The following MEGF11 variants were observed in gnomAD, a reference collection of about 807,000 sequenced individuals.
MEGF11 encodes multiple epidermal growth factor-like domains protein 11.
MEGF11 carries 126 observed loss-of-function variants against 146.6 expected under a neutral mutation model. The observed-to-expected ratio is 0.86, with a 90% confidence interval of 0.74 to 1.00. MEGF11 has a LOEUF of 1.00. MEGF11 is among the 50% of genes least tolerant of loss of function. MEGF11 has a pLI of 0.00. For missense variants in MEGF11, 1,509 were observed against 1,521.2 expected, an observed-to-expected ratio of 0.99 and a Z score of 0.13; for synonymous variants, 532 against 583.4, an observed-to-expected ratio of 0.91 and a Z score of 1.27.
Position 65,898,008 on chromosome 15 carries a change from T to C in MEGF11, c.3349A>G (p.Ile1117Val). ...NAYDLPRNSHIPGHYDLLPVR... is the reference protein window; with the variant it reads ...NAYDLPRNSHVPGHYDLLPVR... ...GGGAGGAGGTCATAATGACCAGGAA[T>C]ATGGCTGTTCCTAGGTAGGTCGTAT... Residue 1117 changes from isoleucine to valine, a missense_variant, in exon 26 of 26, where the codon ATT (isoleucine) becomes GTT (valine). Physicochemically the swap from Ile to Val is conservative, Grantham distance 29. Transcript: ENST00000395614. The C allele has an allele frequency of 1.2e-6, 2 of 1,613,950 alleles. No homozygotes were observed. The highest frequency in any genetic ancestry group is 1.7e-6 in the Non-Finnish European group (2 of 1,179,806).
chr15:65,978,334 C>T (rs1433271231), intron 7 of MEGF11, among the ~76,000 whole-genome samples: 1 of 152,214 alleles, frequency 6.6e-6, no homozygotes, highest in Non-Finnish European at 1.5e-5. Flanking sequence ...AGTGACTCTG[C>T]ATGCACAAGG....
chr15:66,119,098 C>G lies in MEGF11; in HGVS notation c.289G>C (p.Asp97His). Residue 97 changes from aspartate (D) to histidine (H), a missense_variant, in exon 4 of 26, where the codon GAC (aspartate) becomes CAC (histidine). Coordinates refer to ENST00000395614, the MANE Select transcript of MEGF11 (RefSeq NM_001385028.1). ...QCCPGYYESG[D>H]FCIPLCTEEC... The stretch of plus-strand genomic sequence containing the variant: ...AGCCCCTACATACGTATGCAGAAGT[C>G]TCCGCTCTCATAGTAGCCAGGGCAG... 6.4e-7 allele frequency: 1 copy of G among 1,550,744 alleles called. No individual in the cohort carries two copies. Among genetic ancestry groups the G allele is most frequent in the Non-Finnish European group, 8.7e-7 (1 of 1,146,542 alleles).
intron 1 of MEGF11, among the ~76,000 whole-genome samples, chr15:66,156,529 C>T (rs1053571083): frequency 2.0e-5 from 3 of 152,204 alleles, no homozygotes; most frequent in African/African-American, 7.2e-5. Flanking sequence ...TCGGCCACCA[C>T]TCCCTGTGTC....
intron 4 of MEGF11, among the ~76,000 whole-genome samples, chr15:66,102,595 TAAA>T (rs752399934): frequency 2.7e-5 from 4 of 145,882 alleles, no homozygotes; most frequent in Admixed American, 2.0e-4. Context: ...ATTAGCTAAT[TAAA>T]AAAGTTTTTT....
chr15:65,911,850 T>C (rs116748454), intron 21 of MEGF11, among the ~76,000 whole-genome samples: 1,754 of 152,362 alleles, frequency 0.012, 44 homozygotes, highest in African/African-American at 0.041. Context: ...TATGTTATAC[T>C]GAGTGATGCT....
intron 5 of MEGF11, among the ~76,000 whole-genome samples, chr15:66,024,547 A>C (rs890752686): frequency 6.6e-6 from 1 of 152,240 alleles, no homozygotes; most frequent in African/African-American, 2.4e-5. Flanking sequence ...TGTGTCAGGC[A>C]CTGTGTTAGG....
intron 7 of MEGF11, among the ~76,000 whole-genome samples, chr15:65,979,285 C>G (rs538022328): frequency 4.6e-5 from 7 of 152,132 alleles, no homozygotes; most frequent in African/African-American, 1.4e-4. Flanking sequence ...CCCACCACCC[C>G]CTTGTCAGCT....
Position 65,982,397 on chromosome 15 carries a change from C to T in MEGF11, c.486G>A (p.Val162=), listed in dbSNP as rs1222539141. Residue 162 remains valine (V), a synonymous_variant, in exon 6 of 26, where the codon GTG becomes GTA. Coordinates refer to ENST00000395614, the MANE Select transcript of MEGF11 (RefSeq NM_001385028.1). This position sits in a 1 kb window ranked among gnomAD's most constrained non-coding sequence, Gnocchi z 5.6. The part of the protein sequence containing the change: ...ALCNPITGAC[V]CAAGFRGWRC... ...GCCATCCACGGAAGCCGGCGGCGCACACGCAGGCGCCTGTGATGGGGTTAC... is the reference window on the plus strand; with the variant it reads ...GCCATCCACGGAAGCCGGCGGCGCATACGCAGGCGCCTGTGATGGGGTTAC... 6.5e-7 allele frequency: 1 copy of T among 1,532,808 alleles called. No homozygotes were observed. Among genetic ancestry groups the T allele is most frequent in the Non-Finnish European group, 8.8e-7 (1 of 1,141,952 alleles). The allele number at this position is 1,532,808 out of a possible 1,614,324, so 95.0% of individuals were successfully genotyped here. A position where few individuals can be genotyped will look rare whatever the true frequency, so the allele number is the denominator to read the frequency against.
chr15:66,016,122 A>T (rs191331459), intron 5 of MEGF11, among the ~76,000 whole-genome samples: 11 of 151,220 alleles, frequency 7.3e-5, no homozygotes, highest in Non-Finnish European at 1.5e-4. Flanking sequence ...TAACTAATTT[A>T]AAAAAAACCC....
intron 1 of MEGF11, among the ~76,000 whole-genome samples, chr15:66,167,609 C>T (rs143037193): frequency 0.022 from 3,303 of 152,174 alleles, 55 homozygotes; most frequent in Non-Finnish European, 0.032. Context: ...TGCGCCATTG[C>T]ACTCCAGCCT....
intron 5 of MEGF11, among the ~76,000 whole-genome samples, chr15:66,050,121 G>A (rs1225960370): frequency 1.3e-5 from 2 of 152,146 alleles, no homozygotes; most frequent in Non-Finnish European, 2.9e-5. Context: ...CTACAGTGGT[G>A]TGATCATAGC....
intron 5 of MEGF11, among the ~76,000 whole-genome samples, chr15:66,091,306 G>A (rs909806665): frequency 1.3e-5 from 2 of 152,018 alleles, no homozygotes; most frequent in Non-Finnish European, 2.9e-5. Context: ...GTAACAATTT[G>A]CGTCCCATGG....
intron 9 of MEGF11, among the ~76,000 whole-genome samples, chr15:65,961,233 G>T (rs964091784): frequency 1.3e-5 from 2 of 152,072 alleles, no homozygotes; most frequent in African/African-American, 4.8e-5. Flanking sequence ...GCTGTTTTTG[G>T]CTCAGGCAGA....
rs333550 is a variant in MEGF11, at chr15:65,965,070, T to C, written c.950A>G (p.His317Arg). 1,594,187 of 1,597,730 alleles carry C rather than the reference T, an allele frequency of 1. 795,371 individuals carry two copies. The highest frequency in any genetic ancestry group is 1 in the East Asian group (44,181 of 44,184). ...FGSFGFQCSQ[H>R]CDCHNGGQCS... ...CTGCCCCCCATTGTGGCAGTCACAGTGCTGTGAGCACTGGAAGCCGAAGGA... is the reference window on the plus strand; with the variant it reads ...CTGCCCCCCATTGTGGCAGTCACAGCGCTGTGAGCACTGGAAGCCGAAGGA... Residue 317 changes from histidine to arginine, a missense_variant, in exon 9 of 26, where the codon CAC becomes CGC. Physicochemically the swap from His to Arg is conservative, Grantham distance 29. Transcript: ENST00000395614.
At chr15:66,133,254 T>A (rs1597113801) in intron 1 of MEGF11, among the ~76,000 whole-genome samples, 1 of 152,096 alleles carries the variant, frequency 6.6e-6, no homozygotes, top group South Asian at 2.1e-4. Context: ...GCATGTCTGC[T>A]CCCCACACCA....
intron 1 of MEGF11, among the ~76,000 whole-genome samples, chr15:66,163,949 G>A (rs989604468): frequency 6.6e-6 from 1 of 152,196 alleles, no homozygotes; most frequent in African/African-American, 2.4e-5. Flanking sequence ...GGAAGAAGCA[G>A]GCCTAAATGT....
In MEGF11 at chr15:65,922,372, G is replaced by A. The variant is rs1194015619; in HGVS notation, c.1923C>T (p.Cys641=). Residue 641 remains cysteine, a synonymous_variant, in exon 15 of 26, where the codon TGC becomes TGT. Transcript: ENST00000395614. ...PCHHISGICE[C]LPGFSGALCN... ...AGAGAGCTCCAGAGAATCCTGGGAG[G>A]CACTCACAGATGCCGCTGATGTGGT... 1 of 1,604,856 alleles carries A rather than the reference G, an allele frequency of 6.2e-7. No individual in the cohort carries two copies.
At chr15:66,194,638 G>A in intron 1 of MEGF11, among the ~76,000 whole-genome samples, 1 of 141,476 alleles carries the variant, frequency 7.1e-6, no homozygotes, top group East Asian at 2.3e-4. Flanking sequence ...CAAAAAGAAT[G>A]ATACAATGGA....
Position 65,970,671 on chromosome 15 carries a change from G to T in MEGF11, c.781C>A (p.Pro261Thr), listed in dbSNP as rs1177326691. ...TGGCCAAATGTCCCTGGTGGGCAGG[G>T]CTGGGCACACACTGCTCCCTAAAAG... ...PGWTGAVCAQ[P>T]CPPGTFGQNC... is the part of the protein sequence containing the mutation. The change falls in exon 8 of 26, where the codon CCC (proline) becomes ACC (threonine). Residue 261 changes from proline to threonine, a missense_variant. Physicochemically the swap from Pro to Thr is conservative, Grantham distance 38. Coordinates refer to ENST00000395614, the MANE Select transcript of MEGF11 (RefSeq NM_001385028.1). 6.2e-7 allele frequency: 1 copy of T among 1,611,872 alleles called. No individual in the cohort carries two copies. The highest frequency in any genetic ancestry group is 2.2e-5 in the East Asian group (1 of 44,846).
Sources: gnomAD v4.1 joint callset for allele counts (sites outside exome capture counted in the v4.1 genomes callset) on GRCh38, gnomAD v4.1.1 for gene constraint, Gnocchi (gnomAD v3.1) non-coding constraint, MANE v1.5 for transcripts, NCBI Gene and HGNC (gene_info 2026-07-23, HGNC 2026-07-21) for gene names.